P4HB: variants seen among roughly 807,000 people sequenced by gnomAD.
The protein encoded by P4HB is protein disulfide-isomerase.
A neutral mutation model predicts 52.6 loss-of-function variants in P4HB; 20 were observed. That is an observed-to-expected ratio of 0.38 (90% CI 0.27 to 0.55). The LOEUF (loss-of-function observed/expected upper bound fraction) is 0.55. P4HB is among the 20% of genes least tolerant of loss of function. P4HB has a pLI of 0.74. For missense variants in P4HB, 601 were observed against 669.2 expected, an observed-to-expected ratio of 0.90 and a Z score of 1.12; for synonymous variants, 296 against 277.9, an observed-to-expected ratio of 1.07 and a Z score of -0.65.
In P4HB at chr17:81,855,799, G is replaced by T; in HGVS notation, c.353-213C>A. The T allele has an allele frequency of 1.9e-6, 1 of 528,344 alleles. No homozygotes were observed. The highest frequency in any genetic ancestry group is 3.3e-6 in the Non-Finnish European group (1 of 300,670). The allele number at this position is 528,344 out of a possible 1,614,324, so 32.7% of individuals were successfully genotyped here. A position where few individuals can be genotyped will look rare whatever the true frequency, so the allele number is the denominator to read the frequency against. ...ACTGTGGTTGTGTTTATGGGGAGTG[G>T]AGAGGGAAGAGGGTGATTCTGTCTC... On this transcript the variant is annotated intron_variant, in intron 2 of 10. Coordinates refer to ENST00000331483, the MANE Select transcript of P4HB (RefSeq NM_000918.4). The surrounding 1 kb of genome is among the most constrained non-coding windows in gnomAD (Gnocchi z 4.3).
intron 4 of P4HB, among the ~76,000 whole-genome samples, chr17:81,851,736 C>T (rs1171861791): frequency 6.6e-6 from 1 of 152,242 alleles, no homozygotes; most frequent in East Asian, 1.9e-4. Flanking sequence ...GGAGGAGACA[C>T]TGCCGCAGCT....
At chr17:81,853,975 T>C (rs1418035661) in intron 4 of P4HB, among the ~76,000 whole-genome samples, 1 of 152,218 alleles carries the variant, frequency 6.6e-6, no homozygotes, top group Non-Finnish European at 1.5e-5. Context: ...ACAAGGACCC[T>C]GCTGTGTCCT....
At chr17:81,844,216 A>T in intron 10 of P4HB, 124 bp from the exon 11 acceptor site, 4 of 775,140 alleles carry the variant, frequency 5.2e-6, no homozygotes, top group Non-Finnish European at 9.3e-6. Context: ...GCCACCGGCC[A>T]CTGGAGCAGC....
chr17:81,843,337 AGT>A lies in P4HB; in HGVS notation c.*673_*674del, dbSNP rs1443108571. 1 of 396,198 alleles carries A rather than the reference AGT, an allele frequency of 2.5e-6. No homozygotes were observed. Among genetic ancestry groups the A allele is most frequent in the Admixed American group, 4.4e-5 (1 of 22,668 alleles). The allele number at this position is 396,198 out of a possible 1,614,324, so 24.5% of individuals were successfully genotyped here. ...CCACAGGCCGTGCTGTAGAGAGGCC[AGT>A]GGTCACAATGAGCCCACGACAGGAG... On this transcript the variant is annotated 3_prime_UTR_variant, in exon 11 of 11. Transcript: ENST00000331483.
rs576644425 is a variant in P4HB at position 81,855,706 on chromosome 17, A to G, written c.353-120T>C. The G allele has an allele frequency of 3.1e-5, 37 of 1,191,584 alleles. No individual in the cohort carries two copies. The East Asian group carries it at 9.1e-4, about 29-fold the overall frequency. 73.8% of individuals were successfully genotyped at this position (1,191,584 alleles called of 1,614,324 possible). ...GAGGACACCTGAATCAACCTAAGTA[A>G]GATGTTCTCCCACCATGGAAGAGGC... On this transcript the variant is annotated intron_variant, in intron 2 of 10. Coordinates refer to ENST00000331483, the MANE Select transcript of P4HB (RefSeq NM_000918.4). The surrounding 1 kb of genome is among the most constrained non-coding windows in gnomAD (Gnocchi z 4.3).
chr17:81,850,080 G>A lies in P4HB; in HGVS notation c.625-2733C>T, dbSNP rs551913456. Among the ~76,000 whole-genome samples, 5 of 150,932 alleles carry A rather than the reference G, an allele frequency of 3.3e-5. No individual in the cohort carries two copies. In the East Asian group the frequency reaches 5.9e-4, roughly 18 times the overall value. On this transcript the variant is annotated intron_variant, in intron 4 of 10. Coordinates refer to ENST00000331483, the MANE Select transcript of P4HB (RefSeq NM_000918.4). ...TGACCCCAGGTGATCCACTTGCCTCGGCCTCCTAAAGTGCTGGGATTATAA... is the reference window on the plus strand; with the variant it reads ...TGACCCCAGGTGATCCACTTGCCTCAGCCTCCTAAAGTGCTGGGATTATAA...
intron 4 of P4HB, among the ~76,000 whole-genome samples, chr17:81,849,977 G>A (rs939737581): frequency 6.6e-6 from 1 of 151,716 alleles, no homozygotes; most frequent in Admixed American, 6.6e-5. Flanking sequence ...ACAGGCACCC[G>A]CCACCACGCC....
intron 2 of P4HB, 84 bp downstream of exon 2, chr17:81,859,097 C>A (rs903522132): frequency 3.8e-6 from 5 of 1,309,536 alleles, no homozygotes; most frequent in Non-Finnish European, 4.4e-6. Context: ...GCCTCCCCAC[C>A]GCTCAGACAG....
Position 81,859,191 on chromosome 17 carries a change from C to T in P4HB, c.342G>A (p.Lys114=). 2.5e-6 allele frequency: 4 copies of T among 1,613,832 alleles called. No individual in the cohort carries two copies. Among genetic ancestry groups the T allele is most frequent in the Non-Finnish European group, 3.4e-6 (4 of 1,179,938 alleles). ...GTGCCACAGCCACACCTGTATATTC[C>T]TTGGGGGAAGCCGTGTCTCCATTCC... is the stretch of plus-strand genomic sequence containing the variant. The part of the protein sequence containing the change: ...FFRNGDTASP[K]EYTAGREADD... The change falls in exon 2 of 11, where the codon AAG becomes AAA. Residue 114 remains lysine, a synonymous_variant. Coordinates refer to ENST00000331483, the MANE Select transcript of P4HB (RefSeq NM_000918.4).
Position 81,845,594 on chromosome 17 carries a change from T to C in P4HB, c.1326A>G (p.Thr442=). The C allele has an allele frequency of 6.2e-7, 1 of 1,609,398 alleles. No individual in the cohort carries two copies. Among genetic ancestry groups the C allele is most frequent in the South Asian group, 1.1e-5 (1 of 90,846 alleles). ...CGGCACTGGCAGGAAAGAACTTGAG[T>C]GTGGGGAAGCTGTGCACTTTGACGG... The part of the protein sequence containing the change: ...VEAVKVHSFP[T]LKFFPASADR... The change falls in exon 9 of 11, where the codon ACA becomes ACG. Residue 442 remains threonine, a synonymous_variant. Transcript: ENST00000331483.
Position 81,860,392 on chromosome 17 carries a change from A to G in P4HB, c.80T>C (p.Leu27Pro). 1.4e-6 allele frequency: 2 copies of G among 1,466,450 alleles called. No homozygotes were observed. The highest frequency in any genetic ancestry group is 9.0e-7 in the Non-Finnish European group (1 of 1,107,572). The allele number at this position is 1,466,450 out of a possible 1,614,324, so 90.8% of individuals were successfully genotyped here. The change falls in exon 1 of 11, where the codon CTG (leucine) becomes CCG (proline). Residue 27 changes from leucine to proline, a missense_variant. Coordinates refer to ENST00000331483, the MANE Select transcript of P4HB (RefSeq NM_000918.4). ...ADAPEEEDHV[L>P]VLRKSNFAEA... The stretch of plus-strand genomic sequence containing the variant: ...CGCGAAGTTGCTTTTCCGCAGCACC[A>G]GGACGTGGTCCTCCTCCTCGGGGGC...
Position 81,845,269 on chromosome 17 carries a change from C to A in P4HB, c.1360-39G>T, listed in dbSNP as rs763766858. On this transcript the variant is annotated intron_variant, in intron 9 of 10. Coordinates refer to ENST00000331483, the MANE Select transcript of P4HB (RefSeq NM_000918.4). ...GGATGAGTGCAGGGGCTGGTCCCGG[C>A]CCAGAGCCAATCTCCTGGCATTGGC... 1.1e-5 allele frequency: 17 copies of A among 1,523,492 alleles called. 1 individual carries two copies. In the African/African-American group the frequency reaches 1.8e-4, roughly 16 times the overall value. The allele number at this position is 1,523,492 out of a possible 1,614,324, so 94.4% of individuals were successfully genotyped here.
chr17:81,860,504 G>A lies in P4HB; in HGVS notation c.-33C>T, dbSNP rs1229330671. ...ACGGATCAGGCGGGGCGCTTCGGTT[G>A]GCGCCGCCGGGACAGCGGGGGCGAC... On this transcript the variant is annotated 5_prime_UTR_variant, in exon 1 of 11. Transcript: ENST00000331483. 81 of 1,242,248 alleles carry A rather than the reference G, an allele frequency of 6.5e-5. No homozygotes were observed. The East Asian group carries it at 2.4e-3, about 37-fold the overall frequency. 77.0% of individuals were successfully genotyped at this position (1,242,248 alleles called of 1,614,324 possible). A position where few individuals can be genotyped will look rare whatever the true frequency, so the allele number is the denominator to read the frequency against.
At chr17:81,850,782 CA>C (rs2038818444) in intron 4 of P4HB, among the ~76,000 whole-genome samples, 1 of 151,966 alleles carries the variant, frequency 6.6e-6, no homozygotes. Flanking sequence ...CGTGTCCAGC[CA>C]AAAAAATTTA....
At chr17:81,859,917 G>A (rs1322510340) in intron 1 of P4HB, 1 of 181,616 alleles carries the variant, frequency 5.5e-6, no homozygotes, top group East Asian at 1.6e-4. Context: ...TTATGGACGT[G>A]AGGAAGGCTT....
intron 4 of P4HB, among the ~76,000 whole-genome samples, chr17:81,853,727 G>A (rs2038869278): frequency 6.6e-6 from 1 of 152,140 alleles, no homozygotes; most frequent in African/African-American, 2.4e-5. Flanking sequence ...CACAGGACAG[G>A]AGCTGAAGGT....
chr17:81,847,151 A>T, intron 5 of P4HB, 79 bp from the exon 6 acceptor site: 1 of 1,601,008 alleles, frequency 6.2e-7, no homozygotes, highest in Non-Finnish European at 8.6e-7. Context: ...CTCCAATGTC[A>T]GACGCTGGAC....
At chr17:81,848,215 C>T (rs2038769204) in intron 4 of P4HB, among the ~76,000 whole-genome samples, 2 of 152,130 alleles carry the variant, frequency 1.3e-5, no homozygotes, top group South Asian at 2.1e-4. Context: ...AAGCTATTTT[C>T]ACACTCACAC....
rs1259111761 is a variant in P4HB, at chr17:81,855,163, A to G, written c.603T>C (p.Asp201=). The part of the protein sequence containing the change: ...DVFSKYQLDK[D]GVVLFKKFDE... ...TCACCTTCTTAAAGAGGACAACCCCATCTTTGTCGAGCTGGTATTTGGAGA... is the reference window on the plus strand; with the variant it reads ...TCACCTTCTTAAAGAGGACAACCCCGTCTTTGTCGAGCTGGTATTTGGAGA... Residue 201 remains aspartate, a synonymous_variant, in exon 4 of 11, where the codon GAT becomes GAC. Transcript: ENST00000331483. This position sits in a 1 kb window ranked among gnomAD's most constrained non-coding sequence, Gnocchi z 4.3. 3 of 1,614,118 alleles carry G rather than the reference A, an allele frequency of 1.9e-6. No individual in the cohort carries two copies. Among genetic ancestry groups the G allele is most frequent in the Non-Finnish European group, 2.5e-6 (3 of 1,180,010 alleles).
Sources: allele counts gnomAD v4.1 joint callset (sites outside exome capture counted in the v4.1 genomes callset), GRCh38; gene constraint gnomAD v4.1.1; non-coding constraint Gnocchi (gnomAD v3.1); transcripts MANE v1.5; gene names NCBI Gene and HGNC (gene_info 2026-07-23, HGNC 2026-07-21).